Variants in LMBRD2 observed in about 807,000 individuals in gnomAD.
The protein encoded by LMBRD2 is G protein-coupled receptor-associated protein LMBRD2.
LMBRD2 carries 55 observed loss-of-function variants against 94.4 expected under a neutral mutation model. That is an observed-to-expected ratio of 0.58 (90% CI 0.47 to 0.73). The LOEUF (loss-of-function observed/expected upper bound fraction) is 0.73, where lower values mean the gene tolerates loss of function less well. Among genes scored for constraint, LMBRD2 ranks in the 30% least tolerant of loss-of-function variants. LMBRD2 has a pLI of 0.00. For missense variants in LMBRD2, 640 were observed against 831.9 expected (o/e 0.77, Z 2.84); for synonymous variants, 246 against 272.4 (o/e 0.90, Z 0.95).
intron 1 of LMBRD2, among the ~76,000 whole-genome samples, chr5:36,144,652 G>A (rs1223464373): frequency 6.6e-6 from 1 of 152,062 alleles, no homozygotes; most frequent in African/African-American, 2.4e-5. Flanking sequence ...CCATTACACT[G>A]AAGCCTGGGC....
intron 6 of LMBRD2, among the ~76,000 whole-genome samples, chr5:36,135,090 A>G (rs547420245): frequency 2.4e-4 from 36 of 152,294 alleles, no homozygotes; most frequent in African/African-American, 8.7e-4. Flanking sequence ...GAGTAGTTGC[A>G]ATAGAAATGA....
At chr5:36,109,866 T>C (rs1018842770) in intron 15 of LMBRD2, 79 bp downstream of exon 15, 2 of 1,050,680 alleles carry the variant, frequency 1.9e-6, no homozygotes, top group Non-Finnish European at 2.8e-6. Context: ...CTTTAGCTAA[T>C]TATTCCAAAT....
intron 6 of LMBRD2, among the ~76,000 whole-genome samples, chr5:36,125,956 AG>A (rs1259498086): frequency 6.6e-6 from 1 of 152,212 alleles, no homozygotes; most frequent in Non-Finnish European, 1.5e-5. Context: ...GGCGTAAGTG[AG>A]TACATTATTT....
chr5:36,137,967 G>A (rs1744310627), intron 4 of LMBRD2, among the ~76,000 whole-genome samples: 1 of 152,192 alleles, frequency 6.6e-6, no homozygotes. Flanking sequence ...AACATCAGTA[G>A]ATACTCAACT....
chr5:36,117,484 CA>C (rs1225678411), intron 10 of LMBRD2, among the ~76,000 whole-genome samples: 6 of 150,426 alleles, frequency 4.0e-5, no homozygotes, highest in Non-Finnish European at 4.4e-5. Flanking sequence ...ATTCTGCCTC[CA>C]AAAAAAACAG....
chr5:36,133,938 GA>G (rs1266042461), intron 6 of LMBRD2, among the ~76,000 whole-genome samples: 1 of 151,978 alleles, frequency 6.6e-6, no homozygotes, highest in Non-Finnish European at 1.5e-5. Context: ...ATAAATTAGT[GA>G]AATCCAAATT....
chr5:36,115,089 G>A lies in LMBRD2; in HGVS notation c.1468C>T (p.Leu490Phe). ...LFCRLTPPLC[L>F]NFLGLTHMDS... Reference sequence around the variant, plus strand: ...ATATGGGTCAAACCCAAGAAATTAAGACATAAAGGAGGTGTCAAACGGCAA... The same window carrying A: ...ATATGGGTCAAACCCAAGAAATTAAAACATAAAGGAGGTGTCAAACGGCAA... The change falls in exon 12 of 18, where the codon CTT becomes TTT. Residue 490 changes from leucine to phenylalanine, a missense_variant. Leu to Phe is a conservative substitution (Grantham distance 22). Coordinates refer to ENST00000296603, the MANE Select transcript of LMBRD2 (RefSeq NM_001007527.2). 6.2e-7 allele frequency: 1 copy of A among 1,611,096 alleles called. No individual in the cohort carries two copies. The highest frequency in any genetic ancestry group is 8.5e-7 in the Non-Finnish European group (1 of 1,178,640).
chr5:36,149,707 G>A (rs2111923668), intron 1 of LMBRD2, among the ~76,000 whole-genome samples: 1 of 152,296 alleles, frequency 6.6e-6, no homozygotes, highest in African/African-American at 2.4e-5. Flanking sequence ...GGGAGTTCGA[G>A]ACCAGCCTGA....
In LMBRD2 at chr5:36,141,088, A is replaced by G. The variant is rs754853762; in HGVS notation, c.368+19T>C. On this transcript the variant is annotated intron_variant, in intron 4 of 17. Coordinates refer to ENST00000296603, the MANE Select transcript of LMBRD2 (RefSeq NM_001007527.2). ...CTTTAGCCAAAATTTTAAAAATTTT[A>G]TCATTTACTGTAACTTACCATGTTA... 2.1e-6 allele frequency: 3 copies of G among 1,427,880 alleles called. No homozygotes were observed. Among genetic ancestry groups the G allele is most frequent in the Admixed American group, 4.0e-5 (2 of 49,984 alleles). 88.5% of individuals were successfully genotyped at this position (1,427,880 alleles called of 1,614,324 possible).
At chr5:36,122,218 T>C (rs1743902280) in intron 9 of LMBRD2, 62 bp downstream of exon 9, 2 of 1,238,608 alleles carry the variant, frequency 1.6e-6, no homozygotes, top group Non-Finnish European at 2.3e-6. Context: ...TGAAAATACA[T>C]AACTTCTTTC....
chr5:36,116,687 G>GT (rs966184471), intron 10 of LMBRD2, 94 bp from the exon 11 acceptor site: 2 of 1,313,152 alleles, frequency 1.5e-6, no homozygotes, highest in Admixed American at 2.1e-5. Flanking sequence ...TTTTTCTTTT[G>GT]TTTTTTTGAG....
rs1352591735 is a variant in LMBRD2 at position 36,101,412 on chromosome 5, A to T, written c.*2634T>A. 1 of 151,974 alleles carries T rather than the reference A, an allele frequency of 6.6e-6. No homozygotes were observed. The highest frequency in any genetic ancestry group is 2.4e-5 in the African/African-American group (1 of 41,438). 9.4% of individuals were successfully genotyped at this position (151,974 alleles called of 1,614,324 possible). A position where few individuals can be genotyped will look rare whatever the true frequency, so the allele number is the denominator to read the frequency against. ...AAATTTTAAACTAATACTTATTATC[A>T]AGTAATAAAGTCATCAAAAATTACC... is the stretch of plus-strand genomic sequence containing the variant. On this transcript the variant is annotated 3_prime_UTR_variant, in exon 18 of 18. Coordinates refer to ENST00000296603, the MANE Select transcript of LMBRD2 (RefSeq NM_001007527.2).
Position 36,122,104 on chromosome 5 carries a change from T to C in LMBRD2, c.1120+176A>G, listed in dbSNP as rs373561283. Among the ~76,000 whole-genome samples the C allele has an allele frequency of 2.8e-4, 43 of 152,324 alleles. 1 individual carries two copies. The South Asian group carries it at 8.9e-3, about 32-fold the overall frequency. On this transcript the variant is annotated intron_variant, in intron 9 of 17. Transcript: ENST00000296603. ...TAACAGTGGAAACTGATGGATTATATGTTATATGATAAGTAAAACAGTTAT... is the reference window on the plus strand; with the variant it reads ...TAACAGTGGAAACTGATGGATTATACGTTATATGATAAGTAAAACAGTTAT...
chr5:36,133,159 T>C (rs1364941936), intron 6 of LMBRD2, among the ~76,000 whole-genome samples: 2 of 152,060 alleles, frequency 1.3e-5, no homozygotes, highest in Middle Eastern at 3.2e-3. Flanking sequence ...TAAGTGTCCA[T>C]CAACATATGA....
chr5:36,145,480 C>T (rs1744515777), intron 1 of LMBRD2, among the ~76,000 whole-genome samples: 1 of 152,238 alleles, frequency 6.6e-6, no homozygotes, highest in South Asian at 2.1e-4. Flanking sequence ...CCTGCCTCAG[C>T]TCCCAAAGTG....
chr5:36,143,051 T>C, intron 2 of LMBRD2, 125 bp downstream of exon 2: 1 of 721,612 alleles, frequency 1.4e-6, no homozygotes, highest in Non-Finnish European at 2.2e-6. Context: ...AATGATCAAA[T>C]GGCCATATAA....
intron 15 of LMBRD2, 129 bp downstream of exon 15, chr5:36,109,814 TAA>T: frequency 1.5e-6 from 1 of 680,950 alleles, no homozygotes; most frequent in Non-Finnish European, 2.4e-6. Context: ...TCCCTTTCTT[TAA>T]AAATATATCT....
At chr5:36,145,613 T>G (rs770190402) in intron 1 of LMBRD2, among the ~76,000 whole-genome samples, 1 of 152,226 alleles carries the variant, frequency 6.6e-6, no homozygotes, top group Non-Finnish European at 1.5e-5. Flanking sequence ...CTTCGAGATC[T>G]AGGGTTTTTT....
At chr5:36,138,865 CAA>C (rs1271318320) in intron 4 of LMBRD2, among the ~76,000 whole-genome samples, 1 of 152,196 alleles carries the variant, frequency 6.6e-6, no homozygotes, top group Non-Finnish European at 1.5e-5. Context: ...AAGTATGTAA[CAA>C]GAGCTGAAGG....
Sources: gnomAD v4.1 joint callset for allele counts (sites outside exome capture counted in the v4.1 genomes callset) on GRCh38, gnomAD v4.1.1 for gene constraint, MANE v1.5 for transcripts, NCBI Gene and HGNC (gene_info 2026-07-23, HGNC 2026-07-21) for gene names.